KANSL1: variants seen among roughly 807,000 people sequenced by gnomAD.
KANSL1 encodes MLL1/MLL complex subunit KANSL1.
In KANSL1, 22 loss-of-function variants were observed where a neutral mutation model predicts 103.6. That is an observed-to-expected ratio of 0.21 (90% CI 0.15 to 0.30). The LOEUF (loss-of-function observed/expected upper bound fraction) is 0.30. Ranked by LOEUF, KANSL1 falls within the 10% of genes least tolerant of loss-of-function variation. The pLI is 1.00. For synonymous variants in KANSL1, 600 were observed against 527.6 expected, an observed-to-expected ratio of 1.14 and a Z score of -1.88; for missense variants, 1,337 against 1,399.8, an observed-to-expected ratio of 0.96 and a Z score of 0.72.
chr17:46,068,837 C>G (rs1006806360), intron 4 of KANSL1, among the ~76,000 whole-genome samples: 1 of 152,172 alleles, frequency 6.6e-6, no homozygotes, highest in African/African-American at 2.4e-5. Flanking sequence ...TATAGCACCT[C>G]TGAGGTATAG....
In KANSL1 at chr17:46,220,097, C is replaced by T. The variant is rs149396405; in HGVS notation, c.-90+3574G>A. Among the ~76,000 whole-genome samples the T allele has an allele frequency of 1.4e-3, 213 of 151,890 alleles. 1 individual carries two copies. Among genetic ancestry groups the T allele is most frequent in the African/African-American group, 3.2e-3 (132 of 41,444 alleles). On this transcript the variant is annotated intron_variant, in intron 1 of 14. Coordinates refer to the KANSL1 transcript ENST00000572904. ...TAGCCTAGGTGACAGAGTGAGGCTC[C>T]GTCTCAAAAAAACAAAAACAAAAAC... is the stretch of plus-strand genomic sequence containing the variant.
chr17:46,076,611 C>A (rs76573408), intron 4 of KANSL1, among the ~76,000 whole-genome samples: 4,244 of 150,870 alleles, frequency 0.028, 244 homozygotes, highest in African/African-American at 0.098. Flanking sequence ...ACCAAAAAAT[C>A]TTGCTGGGAT....
At chr17:46,169,411 T>G (rs376095717) in intron 2 of KANSL1, 1 of 152,184 alleles carries the variant, frequency 6.6e-6, no homozygotes, top group Non-Finnish European at 1.5e-5. Context: ...AAAAAAAAAG[T>G]TTCATTTCAG....
chr17:46,079,734 T>G (rs964559491), intron 4 of KANSL1, among the ~76,000 whole-genome samples: 5 of 152,198 alleles, frequency 3.3e-5, no homozygotes, highest in African/African-American at 1.2e-4. Context: ...CCCAGCAGTT[T>G]TGGAGGCCAA....
At chr17:46,097,546 TATA>T (rs2042139146) in intron 2 of KANSL1, among the ~76,000 whole-genome samples, 1 of 152,262 alleles carries the variant, frequency 6.6e-6, no homozygotes, top group Admixed American at 6.5e-5. Flanking sequence ...TAGCTCTACC[TATA>T]ATGTTTGACT....
rs2077233041 is a variant in KANSL1, at chr17:46,039,027, C to T, written c.2392G>A (p.Val798Met). The change falls in exon 9 of 15, where the codon GTG (valine) becomes ATG (methionine). Residue 798 changes from valine to methionine, a missense_variant and splice_region_variant. Coordinates refer to ENST00000432791, the MANE Select transcript of KANSL1 (RefSeq NM_015443.4). ...LRDHSSERSE[V>M]LKHHTDMSSS... is the part of the protein sequence containing the mutation. ...AGAGGTGCCATGGGCCTGGCCCTACCTTCACTTCTCTCAGATGAATGGTCT... is the reference window on the plus strand; with the variant it reads ...AGAGGTGCCATGGGCCTGGCCCTACTTTCACTTCTCTCAGATGAATGGTCT... 1 of 1,610,028 alleles carries T rather than the reference C, an allele frequency of 6.2e-7. No homozygotes were observed. Among genetic ancestry groups the T allele is most frequent in the East Asian group, 2.2e-5 (1 of 44,804 alleles).
At position 46,171,636 on chromosome 17, in the gene KANSL1, G is replaced by C; in HGVS notation, c.508C>G (p.His170Asp). The C allele has an allele frequency of 2.6e-6, 4 of 1,564,572 alleles. No homozygotes were observed. The highest frequency in any genetic ancestry group is 2.6e-6 in the Non-Finnish European group (3 of 1,159,658). Residue 170 changes from histidine to aspartate, a missense_variant, in exon 2 of 15, where the codon CAT (histidine) becomes GAT (aspartate). His to Asp is a moderately conservative substitution (Grantham distance 81). Around this residue, in one of 2 missense-constraint regions of KANSL1, gnomAD observed 557 missense variants for 476.4 expected, o/e 1.17. Transcript: ENST00000432791. The part of the protein sequence containing the change: ...KLTKSSTHSD[H>D]DNSTSLNGGK... ...CCATTGAGGGAAGTGGAATTGTCAT[G>C]ATCAGAATGTGTTGAACTTTTAGTC...
At chr17:46,219,735 T>A (rs545570912) in intron 1 of KANSL1, among the ~76,000 whole-genome samples, 28 of 152,376 alleles carry the variant, frequency 1.8e-4, no homozygotes, top group African/African-American at 5.8e-4. Context: ...TTCAAAATTC[T>A]TGAAGATCCC....
At chr17:46,160,408 C>T (rs2045670065) in intron 2 of KANSL1, among the ~76,000 whole-genome samples, 1 of 152,198 alleles carries the variant, frequency 6.6e-6, no homozygotes, top group Non-Finnish European at 1.5e-5. Context: ...AAGCAATCCT[C>T]CTACCTCAGC....
intron 1 of KANSL1, chr17:46,222,160 TG>T (rs1447853279): frequency 6.7e-6 from 1 of 149,752 alleles, no homozygotes; most frequent in Non-Finnish European, 1.5e-5. Context: ...ACTCACGATA[TG>T]GAGCTGATTT....
At chr17:46,059,047 G>C (rs1371411621) in intron 6 of KANSL1, among the ~76,000 whole-genome samples, 1 of 136,436 alleles carries the variant, frequency 7.3e-6, no homozygotes, top group Non-Finnish European at 1.6e-5. Context: ...ACTCCATCTC[G>C]GAAAAAAAAA....
intron 2 of KANSL1, among the ~76,000 whole-genome samples, chr17:46,167,497 TATC>T (rs1171284395): frequency 1.1e-4 from 16 of 152,352 alleles, no homozygotes; most frequent in African/African-American, 3.1e-4. Flanking sequence ...AGTGATGAAA[TATC>T]ATTGTTTAGT....
chr17:46,071,610 T>C (rs1233609626), intron 4 of KANSL1, among the ~76,000 whole-genome samples: 2 of 152,126 alleles, frequency 1.3e-5, no homozygotes, highest in Non-Finnish European at 2.9e-5. Context: ...ACTTAAGAAA[T>C]ATTAAATCCG....
rs542467804 is a variant in KANSL1 at position 46,208,847 on chromosome 17, C to T, written c.-90+14824G>A. Among the ~76,000 whole-genome samples, 21 of 144,318 alleles carry T rather than the reference C, an allele frequency of 1.5e-4. 1 individual carries two copies. In the South Asian group the frequency reaches 3.0e-3, roughly 21 times the overall value. The allele number at this position is 144,318 out of a possible 152,430, so 94.7% of individuals were successfully genotyped here. On this transcript the variant is annotated intron_variant, in intron 1 of 14. Transcript: ENST00000572904. ...CAGCCTGGGCGACACAGCAAGACTC[C>T]GTCTCAAAAAAAAAAAAAAAACCTT...
chr17:46,171,518 G>A lies in KANSL1; in HGVS notation c.626C>T (p.Thr209Ile), dbSNP rs774703524. Residue 209 changes from threonine to isoleucine, a missense_variant, in exon 2 of 15, where the codon ACT becomes ATT. By Grantham distance (89) the Thr-to-Ile change is moderately conservative. Coordinates refer to ENST00000432791, the MANE Select transcript of KANSL1 (RefSeq NM_015443.4). Reference protein sequence around the residue: ...GDLKGGMTNCTLPHRSLDVEH... With the variant: ...GDLKGGMTNCILPHRSLDVEH... ...TACATCAAGGCTTCTATGTGGAAGA[G>A]TGCAATTGGTCATACCCCCCTTCAA... 6.2e-7 allele frequency: 1 copy of A among 1,613,956 alleles called. No homozygotes were observed. Among genetic ancestry groups the A allele is most frequent in the South Asian group, 1.1e-5 (1 of 91,076 alleles).
chr17:46,066,632 C>A lies in KANSL1; in HGVS notation c.1753G>T (p.Asp585Tyr). 4 of 1,614,166 alleles carry A rather than the reference C, an allele frequency of 2.5e-6. No individual in the cohort carries two copies. The highest frequency in any genetic ancestry group is 3.4e-6 in the Non-Finnish European group (4 of 1,180,030). ...QRLNLVSSSS[D>Y]GTCVAARTRP... ...GTCCGGGCTGCCACACAGGTGCCATCAGATGATGAAGAGACGAGATTCAGT... is the reference window on the plus strand; with the variant it reads ...GTCCGGGCTGCCACACAGGTGCCATAAGATGATGAAGAGACGAGATTCAGT... The change falls in exon 6 of 15, where the codon GAT becomes TAT. Residue 585 changes from aspartate (D) to tyrosine (Y), a missense_variant. This residue lies in a region of KANSL1 where 780 missense variants were observed against 923.4 expected (regional missense o/e 0.84). Coordinates refer to ENST00000432791, the MANE Select transcript of KANSL1 (RefSeq NM_015443.4).
chr17:46,222,282 T>G lies in KANSL1; in HGVS notation c.-90+1389A>C, dbSNP rs2693376. On this transcript the variant is annotated intron_variant, in intron 1 of 14. Transcript: ENST00000572904. ...GGTAAAACCTTAAACACTGGAAATA[T>G]CTTTAAAAGTAGGGCTTTGTGTACC... The G allele has an allele frequency of 1.9e-3, 254 of 136,274 alleles. 1 individual carries two copies. Among genetic ancestry groups the G allele is most frequent in the Middle Eastern group, 8.5e-3 (2 of 234 alleles). The allele number at this position is 136,274 out of a possible 1,614,324, so 8.4% of individuals were successfully genotyped here.
intron 2 of KANSL1, among the ~76,000 whole-genome samples, chr17:46,114,044 C>G (rs969832378): frequency 3.9e-5 from 6 of 152,234 alleles, no homozygotes; most frequent in Admixed American, 6.5e-5. Flanking sequence ...GACTGTCAAA[C>G]CGTTAAAGCA....
chr17:46,180,542 C>T (rs1215584947), intron 1 of KANSL1, among the ~76,000 whole-genome samples: 6 of 151,976 alleles, frequency 3.9e-5, no homozygotes, highest in East Asian at 1.9e-4. Flanking sequence ...AAAATTTAGC[C>T]GGGCATGATG....
Sources: allele counts gnomAD v4.1 joint callset (sites outside exome capture counted in the v4.1 genomes callset), GRCh38; gene constraint gnomAD v4.1.1; regional missense constraint gnomAD v4.1.1; transcripts MANE v1.5; gene names NCBI Gene and HGNC (gene_info 2026-07-23, HGNC 2026-07-21).